ARHGEF10L: variants seen among roughly 807,000 people sequenced by gnomAD.
The protein encoded by ARHGEF10L is rho guanine nucleotide exchange factor 10-like protein.
A neutral mutation model predicts 141.2 loss-of-function variants in ARHGEF10L; 69 were observed. The observed-to-expected ratio is 0.49, with a 90% CI of 0.40 to 0.60. The LOEUF is 0.60. ARHGEF10L is among the 20% of genes least tolerant of loss of function. ARHGEF10L has a pLI of 0.00. For synonymous variants in ARHGEF10L, 711 were observed against 718.5 expected (o/e 0.99, Z 0.17); for missense variants, 1,482 against 1,734.3 (o/e 0.85, Z 2.58).
chr1:17,513,926 G>A, the ARHGEF10L span, among the ~76,000 whole-genome samples: 1 of 152,030 alleles, frequency 6.6e-6, no homozygotes, highest in Admixed American at 6.6e-5. Flanking sequence ...CCAGGTTCAA[G>A]CGATTCTCCG....
At position 17,616,075 on chromosome 1, in the gene ARHGEF10L, C is replaced by T. The variant is rs373574690; in HGVS notation, c.727-19C>T. 5 of 1,609,078 alleles carry T rather than the reference C, an allele frequency of 3.1e-6. No individual in the cohort carries two copies. In the African/African-American group the frequency reaches 6.7e-5, roughly 22 times the overall value. On this transcript the variant is annotated intron_variant, in intron 8 of 28. Transcript: ENST00000361221. ...CCCAGGCCGTCCCTTCCCTGATGAG[C>T]CTCTCTACCTTTGCTCAGATGACCC... is the stretch of plus-strand genomic sequence containing the variant.
At chr1:17,580,216 G>A (rs1469368487) in intron 1 of ARHGEF10L, among the ~76,000 whole-genome samples, 2 of 152,324 alleles carry the variant, frequency 1.3e-5, no homozygotes, top group Admixed American at 6.5e-5. Flanking sequence ...GAAGGTTGGG[G>A]GCTGAGCATG....
At chr1:17,571,848 G>A (rs1244029991) in intron 1 of ARHGEF10L, among the ~76,000 whole-genome samples, 2 of 152,108 alleles carry the variant, frequency 1.3e-5, no homozygotes, top group African/African-American at 4.8e-5. Flanking sequence ...ATTTCTATTT[G>A]CTGGGAAGGA....
chr1:17,675,754 G>A (rs1468884614), intron 26 of ARHGEF10L, among the ~76,000 whole-genome samples: 1 of 148,262 alleles, frequency 6.7e-6, no homozygotes, highest in East Asian at 2.1e-4. Flanking sequence ...TCAGGTGTAG[G>A]TACAGGCATG....
chr1:17,602,288 C>G (rs2080761499), intron 5 of ARHGEF10L, 70 bp downstream of exon 5: 1 of 1,505,942 alleles, frequency 6.6e-7, no homozygotes. Flanking sequence ...CTTTCTAACC[C>G]AAGAGAGCTG....
chr1:17,636,626 G>A (rs1324354621), intron 18 of ARHGEF10L, among the ~76,000 whole-genome samples: 1 of 152,080 alleles, frequency 6.6e-6, no homozygotes, highest in African/African-American at 2.4e-5. Context: ...TCACTGCAGA[G>A]CCCCTCTGAT....
Position 17,696,977 on chromosome 1 carries a change from A to G in ARHGEF10L, c.3437A>G (p.Asp1146Gly), listed in dbSNP as rs777371782. 4.1e-5 allele frequency: 66 copies of G among 1,612,008 alleles called. No individual in the cohort carries two copies. The South Asian group carries it at 6.9e-4, about 17-fold the overall frequency. ...GCTGAGGGGCCCCGGGCTGAGGAGG[A>G]CAAGCCAGACGGGCAGGCACACGAG... ...EEAEGPRAEEDKPDGQAHEPM... is the reference protein window; with the variant it reads ...EEAEGPRAEEGKPDGQAHEPM... The change falls in exon 29 of 29, where the codon GAC (aspartate) becomes GGC (glycine). Residue 1146 changes from aspartate (D) to glycine (G), a missense_variant. By Grantham distance (94) the Asp-to-Gly change is moderately conservative. Around this residue, in one of 3 missense-constraint regions of ARHGEF10L, gnomAD observed 858 missense variants for 966.3 expected, o/e 0.89. Transcript: ENST00000361221.
At chr1:17,602,036 C>A in intron 4 of ARHGEF10L, 91 bp from the exon 5 acceptor site, 1 of 1,222,924 alleles carries the variant, frequency 8.2e-7, no homozygotes, top group Non-Finnish European at 1.1e-6. Flanking sequence ...CCCACTTTTG[C>A]CCATCATGTC....
rs1202977146 is a variant in ARHGEF10L at position 17,616,131 on chromosome 1, A to G, written c.764A>G (p.Lys255Arg). ...QLMKAAKSGT[K>R]DGLEKTRMAV... ...ATGAAGGCCGCCAAGAGCGGGACCAAGGATGGGCTGGAGAAGACACGGATG... is the reference window on the plus strand; with the variant it reads ...ATGAAGGCCGCCAAGAGCGGGACCAGGGATGGGCTGGAGAAGACACGGATG... Residue 255 changes from lysine to arginine, a missense_variant, in exon 9 of 29, where the codon AAG becomes AGG. By Grantham distance (26) the Lys-to-Arg change is conservative. This residue lies in a region of ARHGEF10L where 392 missense variants were observed against 542.1 expected (regional missense o/e 0.72). Transcript: ENST00000361221. 6.2e-7 allele frequency: 1 copy of G among 1,613,726 alleles called. No individual in the cohort carries two copies. Among genetic ancestry groups the G allele is most frequent in the Admixed American group, 1.7e-5 (1 of 60,026 alleles).
At chr1:17,617,092 C>G (rs768259223) in intron 9 of ARHGEF10L, among the ~76,000 whole-genome samples, 2 of 152,152 alleles carry the variant, frequency 1.3e-5, no homozygotes, top group Non-Finnish European at 2.9e-5. Context: ...TAGAGGAGGC[C>G]TCAGGTGGCG....
intron 1 of ARHGEF10L, among the ~76,000 whole-genome samples, chr1:17,571,444 G>A (rs2077995412): frequency 6.6e-6 from 1 of 152,196 alleles, no homozygotes; most frequent in African/African-American, 2.4e-5. Context: ...ACTCCTCGGG[G>A]AAGTCTTGTA....
Position 17,621,144 on chromosome 1 carries a change from G to T in ARHGEF10L, c.943-720G>T, listed in dbSNP as rs941330291. On this transcript the variant is annotated intron_variant, in intron 10 of 28. Coordinates refer to ENST00000361221, the MANE Select transcript of ARHGEF10L (RefSeq NM_018125.4). This position sits in a 1 kb window ranked among gnomAD's most constrained non-coding sequence, Gnocchi z 4.1. ...TCGTGTGGGGGGACGGTACCCCAAG[G>T]CCTGTCTTGTGGAAGAGGGATAGCT... is the stretch of plus-strand genomic sequence containing the variant. Among the ~76,000 whole-genome samples, 1 of 152,200 alleles carries T rather than the reference G, an allele frequency of 6.6e-6. No individual in the cohort carries two copies. Among genetic ancestry groups the T allele is most frequent in the Non-Finnish European group, 1.5e-5 (1 of 68,040 alleles).
chr1:17,622,966 C>G (rs769059940), intron 11 of ARHGEF10L, 30 bp from the exon 12 acceptor site: 3 of 1,595,924 alleles, frequency 1.9e-6, no homozygotes, highest in Non-Finnish European at 2.6e-6. Context: ...TGCGGCCTGG[C>G]CTGCGGCCTC....
Position 17,664,558 on chromosome 1 carries a change from G to T in ARHGEF10L, c.2972G>T (p.Arg991Leu), listed in dbSNP as rs747529935. 2 of 1,606,024 alleles carry T rather than the reference G, an allele frequency of 1.2e-6. No individual in the cohort carries two copies. Among genetic ancestry groups the T allele is most frequent in the South Asian group, 1.1e-5 (1 of 90,428 alleles). The change falls in exon 26 of 29, where the codon CGG becomes CTG. Residue 991 changes from arginine to leucine, a missense_variant. By Grantham distance (102) the Arg-to-Leu change is moderately radical. This residue lies in a region of ARHGEF10L where 858 missense variants were observed against 966.3 expected (regional missense o/e 0.89). Coordinates refer to ENST00000361221, the MANE Select transcript of ARHGEF10L (RefSeq NM_018125.4). ...GCCGTGTGGGCCAGCTGTGGGCCCC[G>T]GGTCACTGTCCTGGAAGCCACCACC... is the stretch of plus-strand genomic sequence containing the variant. ...EDAVWASCGPRVTVLEATTLQ... is the reference protein window; with the variant it reads ...EDAVWASCGPLVTVLEATTLQ...
rs745734125 is a variant in ARHGEF10L at position 17,656,668 on chromosome 1, C to T, written c.2820C>T (p.Gly940=). The change falls in exon 25 of 29, where the codon GGC becomes GGT. Residue 940 remains glycine, a synonymous_variant. Coordinates refer to ENST00000361221, the MANE Select transcript of ARHGEF10L (RefSeq NM_018125.4). The surrounding 1 kb of genome is among the most constrained non-coding windows in gnomAD (Gnocchi z 4.9). ...ACAGCCCCTTCCACCTGCTCGCTGG[C>T]CTGCAGGATGGGACCCTTGCTGCTT... ...LRHSPFHLLA[G]LQDGTLAAYP... 6.2e-7 allele frequency: 1 copy of T among 1,613,446 alleles called. No homozygotes were observed. Among genetic ancestry groups the T allele is most frequent in the African/African-American group, 1.3e-5 (1 of 74,918 alleles).
In ARHGEF10L at chr1:17,671,508, C is replaced by T. The variant is rs141790831; in HGVS notation, c.3009+6913C>T. 5.4e-3 allele frequency among the ~76,000 whole-genome samples: 815 copies of T among 152,266 alleles called. 9 individuals carry two copies. Among genetic ancestry groups the T allele is most frequent in the African/African-American group, 0.018 (763 of 41,544 alleles). ...GCCTTGTGGTGTTTCTATGGCAACC[C>T]CCTTCCCCCAAGCAGATTTTCAGCC... On this transcript the variant is annotated intron_variant, in intron 26 of 28. Coordinates refer to ENST00000361221, the MANE Select transcript of ARHGEF10L (RefSeq NM_018125.4).
chr1:17,653,929 T>G (rs2062079771), intron 22 of ARHGEF10L, among the ~76,000 whole-genome samples: 1 of 152,226 alleles, frequency 6.6e-6, no homozygotes, highest in African/African-American at 2.4e-5. Context: ...CAGGGACGGC[T>G]GGGGCCTTTA....
intron 27 of ARHGEF10L, among the ~76,000 whole-genome samples, chr1:17,691,665 T>C (rs78538500): frequency 0.01 from 1,525 of 152,214 alleles, 36 homozygotes; most frequent in African/African-American, 0.035. Context: ...TTGTATACTA[T>C]GGGCTAAGAG....
intron 8 of ARHGEF10L, among the ~76,000 whole-genome samples, 190 bp downstream of exon 8, chr1:17,613,364 A>G (rs948146530): frequency 1.3e-5 from 2 of 152,130 alleles, no homozygotes; most frequent in South Asian, 2.1e-4. Context: ...CTTAAGCCAC[A>G]TGTTCCCTTC....
Sources: gnomAD v4.1 joint callset for allele counts (sites outside exome capture counted in the v4.1 genomes callset) on GRCh38, gnomAD v4.1.1 for gene constraint, gnomAD v4.1.1 regional missense constraint, Gnocchi (gnomAD v3.1) non-coding constraint, MANE v1.5 for transcripts, NCBI Gene and HGNC (gene_info 2026-07-23, HGNC 2026-07-21) for gene names.